The following EPAS1 variants were observed in gnomAD, a reference collection of about 807,000 sequenced individuals.
EPAS1 encodes the protein endothelial PAS domain-containing protein 1.
A neutral mutation model predicts 87.9 loss-of-function variants in EPAS1; 23 were observed. That is an observed-to-expected ratio of 0.26 (90% CI 0.19 to 0.37). The LOEUF (loss-of-function observed/expected upper bound fraction) is 0.37, where lower values mean the gene tolerates loss of function less well. Ranked by LOEUF, EPAS1 falls within the 10% of genes least tolerant of loss-of-function variation. The pLI, the probability that EPAS1 is intolerant of heterozygous loss-of-function variation, is 1.00. For synonymous variants in EPAS1, 508 were observed against 444.3 expected, an observed-to-expected ratio of 1.14 and a Z score of -1.80; for missense variants, 1,138 against 1,120.7, an observed-to-expected ratio of 1.02 and a Z score of -0.22.
At chr2:46,311,545 C>T (rs1215073303) in intron 1 of EPAS1, among the ~76,000 whole-genome samples, 2 of 152,190 alleles carry the variant, frequency 1.3e-5, no homozygotes, top group Non-Finnish European at 2.9e-5. Flanking sequence ...AGTCTAGCAT[C>T]TACCTTCTCA....
At chr2:46,350,593 G>A (rs1157830351) in intron 2 of EPAS1, among the ~76,000 whole-genome samples, 1 of 152,176 alleles carries the variant, frequency 6.6e-6, no homozygotes, top group African/African-American at 2.4e-5. Context: ...CAGGAACATC[G>A]GTGGAAATGC....
At chr2:46,357,455 AG>A (rs1287339947) in intron 4 of EPAS1, among the ~76,000 whole-genome samples, 2 of 152,176 alleles carry the variant, frequency 1.3e-5, no homozygotes, top group African/African-American at 4.8e-5. Context: ...TGGTGTCTCT[AG>A]GGTAGCCAGA....
intron 2 of EPAS1, among the ~76,000 whole-genome samples, chr2:46,353,247 G>T (rs1684206651): frequency 1.3e-5 from 2 of 152,200 alleles, no homozygotes; most frequent in Non-Finnish European, 2.9e-5. Context: ...TCACTCGTAG[G>T]ATCTTTGAGT....
chr2:46,314,776 T>C (rs1389857472), intron 1 of EPAS1, among the ~76,000 whole-genome samples: 1 of 152,216 alleles, frequency 6.6e-6, no homozygotes, highest in Non-Finnish European at 1.5e-5. Context: ...GAGGAGGTTC[T>C]GTTGGAATAG....
At chr2:46,305,633 C>T (rs1683097075) in intron 1 of EPAS1, among the ~76,000 whole-genome samples, 1 of 152,130 alleles carries the variant, frequency 6.6e-6, no homozygotes, top group Non-Finnish European at 1.5e-5. Flanking sequence ...GCCATGTACT[C>T]ATCTGACGTT....
chr2:46,299,059 G>C (rs1314788231), intron 1 of EPAS1, among the ~76,000 whole-genome samples: 5 of 152,260 alleles, frequency 3.3e-5, no homozygotes, highest in African/African-American at 1.2e-4. Context: ...CGGCGGTATA[G>C]AGGTGCGAGG....
chr2:46,356,870 G>C, intron 4 of EPAS1, 62 bp downstream of exon 4: 1 of 1,214,752 alleles, frequency 8.2e-7, no homozygotes, highest in South Asian at 1.2e-5. Flanking sequence ...CCTCCCCTTT[G>C]TCTACGGGTA....
At chr2:46,313,697 C>T (rs775805654) in intron 1 of EPAS1, among the ~76,000 whole-genome samples, 42 of 152,100 alleles carry the variant, frequency 2.8e-4, no homozygotes, top group Non-Finnish European at 4.4e-4. Flanking sequence ...GTGATCTGCC[C>T]GCCTTGGCCT....
intron 1 of EPAS1, among the ~76,000 whole-genome samples, chr2:46,303,313 A>C (rs1356265080): frequency 6.6e-6 from 1 of 152,176 alleles, no homozygotes; most frequent in Admixed American, 6.5e-5. Flanking sequence ...CACCAGCTTA[A>C]AGACTGGCTC....
intron 1 of EPAS1, among the ~76,000 whole-genome samples, chr2:46,340,322 A>C (rs553351114): frequency 9.2e-5 from 14 of 152,292 alleles, no homozygotes; most frequent in African/African-American, 3.1e-4. Context: ...CGCTGAATGC[A>C]GTCCAGGCCC....
Position 46,377,943 on chromosome 2 carries a change from C to A in EPAS1, c.1299C>A (p.Pro433=). 1 of 1,557,920 alleles carries A rather than the reference C, an allele frequency of 6.4e-7. No individual in the cohort carries two copies. The highest frequency in any genetic ancestry group is 8.7e-7 in the Non-Finnish European group (1 of 1,150,400). The change falls in exon 10 of 16, where the codon CCC becomes CCA. Residue 433 remains proline, a synonymous_variant. Transcript: ENST00000263734. ...ESSAYGKAIL[P]PSQPWATELR... is the part of the protein sequence containing the mutation. Reference sequence around the variant, plus strand: ...CAGCCTATGGCAAGGCCATCCTGCCCCCGAGCCAGCCATGGGCCACGGAGT... The same window carrying A: ...CAGCCTATGGCAAGGCCATCCTGCCACCGAGCCAGCCATGGGCCACGGAGT...
At chr2:46,332,007 T>C (rs1369704947) in intron 1 of EPAS1, among the ~76,000 whole-genome samples, 2 of 152,206 alleles carry the variant, frequency 1.3e-5, no homozygotes, top group Non-Finnish European at 2.9e-5. Context: ...TACAACTGTT[T>C]TATCTGCTGG....
chr2:46,358,511 G>T (rs1475416932), intron 4 of EPAS1, among the ~76,000 whole-genome samples: 2 of 152,208 alleles, frequency 1.3e-5, no homozygotes, highest in East Asian at 3.8e-4. Flanking sequence ...GGTTCTTAGT[G>T]TCAGTTCAGC....
chr2:46,369,654 G>A (rs1449506343), intron 6 of EPAS1, among the ~76,000 whole-genome samples, 173 bp from the exon 7 acceptor site: 2 of 152,190 alleles, frequency 1.3e-5, no homozygotes, highest in African/African-American at 4.8e-5. Flanking sequence ...ACCTGCAACT[G>A]TAGATTGAGC....
At chr2:46,302,164 G>A (rs970754520) in intron 1 of EPAS1, among the ~76,000 whole-genome samples, 1 of 148,518 alleles carries the variant, frequency 6.7e-6, no homozygotes, top group African/African-American at 2.5e-5. Flanking sequence ...GTGCGTCGGG[G>A]GGGGGGGCAG....
rs73926274 is a variant in EPAS1 at position 46,375,191 on chromosome 2, A to C, written c.887-499A>C. On this transcript the variant is annotated intron_variant, in intron 7 of 15. Coordinates refer to ENST00000263734, the MANE Select transcript of EPAS1 (RefSeq NM_001430.5). The surrounding 1 kb of genome is among the most constrained non-coding windows in gnomAD (Gnocchi z 4.1). ...GGTGGGTCTGCTGAAAAAAAAAAAC[A>C]AAAAAAAACAAAAAAAACTGCCCTG... Among the ~76,000 whole-genome samples the C allele has an allele frequency of 0.065, 7,725 of 118,378 alleles. 734 individuals are homozygous for C. The highest frequency in any genetic ancestry group is 0.26 in the African/African-American group (7,222 of 27,308). 77.7% of individuals were successfully genotyped at this position (118,378 alleles called of 152,430 possible). A position where few individuals can be genotyped will look rare whatever the true frequency, so the allele number is the denominator to read the frequency against.
At position 46,300,797 on chromosome 2, in the gene EPAS1, G is replaced by A. The variant is rs1682980644; in HGVS notation, c.26+2860G>A. Reference sequence around the variant, plus strand: ...GACACCTTCCCAGAGTGCTTATACAGTAGTGCTCAGTACAGGGCTAGCGTG... The same window carrying A: ...GACACCTTCCCAGAGTGCTTATACAATAGTGCTCAGTACAGGGCTAGCGTG... On this transcript the variant is annotated intron_variant, in intron 1 of 15. Transcript: ENST00000263734. This position sits in a 1 kb window ranked among gnomAD's most constrained non-coding sequence, Gnocchi z 4.1. Among the ~76,000 whole-genome samples, 1 of 152,194 alleles carries A rather than the reference G, an allele frequency of 6.6e-6. No homozygotes were observed. The highest frequency in any genetic ancestry group is 2.4e-5 in the African/African-American group (1 of 41,444).
Position 46,370,048 on chromosome 2 carries a change from T to C in EPAS1, c.886+115T>C, listed in dbSNP as rs2103652991. On this transcript the variant is annotated intron_variant, in intron 7 of 15. Coordinates refer to ENST00000263734, the MANE Select transcript of EPAS1 (RefSeq NM_001430.5). ...CACTTCCTCCACAGAGCTGCTGTCT[T>C]GTGTGGCAGACAAGACTTATGCCCT... 6.1e-6 allele frequency: 5 copies of C among 823,372 alleles called. No individual in the cohort carries two copies. The South Asian group carries it at 7.2e-5, about 12-fold the overall frequency. 51.0% of individuals were successfully genotyped at this position (823,372 alleles called of 1,614,324 possible).
intron 1 of EPAS1, among the ~76,000 whole-genome samples, chr2:46,306,816 G>T (rs1414488965): frequency 1.3e-5 from 2 of 152,196 alleles, no homozygotes; most frequent in Non-Finnish European, 2.9e-5. Flanking sequence ...ATGGGGAAAT[G>T]AGACACAATG....
Sources: allele counts gnomAD v4.1 joint callset (sites outside exome capture counted in the v4.1 genomes callset), GRCh38; gene constraint gnomAD v4.1.1; non-coding constraint Gnocchi (gnomAD v3.1); transcripts MANE v1.5; gene names NCBI Gene and HGNC (gene_info 2026-07-23, HGNC 2026-07-21).